Variants in USH2A observed in about 807,000 individuals in gnomAD.
The protein encoded by USH2A is usherin, also known as Usher syndrome 2A (autosomal recessive, mild).
USH2A carries 443 observed loss-of-function variants against 538.9 expected under a neutral mutation model. The ratio of observed to expected loss-of-function variants is 0.82; its 90% CI spans 0.76 to 0.89. The LOEUF (loss-of-function observed/expected upper bound fraction) is 0.89, where lower values mean the gene tolerates loss of function less well. Ranked by LOEUF, USH2A falls within the 40% of genes least tolerant of loss-of-function variation. The probability of loss-of-function intolerance (pLI) is 0.00; values close to 1 mark genes in which losing one functional copy is unlikely to be tolerated. For synonymous variants in USH2A, 2,413 were observed against 2,273.5 expected (o/e 1.06, Z -1.75); for missense variants, 6,633 against 6,324.8 (o/e 1.05, Z -1.65).
At chr1:216,218,377 C>T (rs1330211402) in intron 14 of USH2A, among the ~76,000 whole-genome samples, 5 of 152,048 alleles carry the variant, frequency 3.3e-5, no homozygotes, top group African/African-American at 9.7e-5. Flanking sequence ...GGATAAGCAA[C>T]GTTGGTGCCA....
chr1:216,076,526 T>A (rs1006287155), intron 27 of USH2A, among the ~76,000 whole-genome samples: 2 of 152,118 alleles, frequency 1.3e-5, no homozygotes, highest in African/African-American at 2.4e-5. Context: ...GTTTTTATTT[T>A]TTTTTTCCCA....
At chr1:216,233,037 A>G (rs2035732621) in intron 13 of USH2A, among the ~76,000 whole-genome samples, 1 of 152,092 alleles carries the variant, frequency 6.6e-6, no homozygotes. Flanking sequence ...TCCTGTTCCA[A>G]TCTATTCTTC....
At chr1:216,224,500 T>A (rs1232618298) in intron 14 of USH2A, among the ~76,000 whole-genome samples, 1 of 152,194 alleles carries the variant, frequency 6.6e-6, no homozygotes, top group Non-Finnish European at 1.5e-5. Context: ...TAGGATCAGC[T>A]TTTTAAAATA....
At position 215,650,625 on chromosome 1, in the gene USH2A, C is replaced by T. The variant is rs1046885422; in HGVS notation, c.14310G>A (p.Leu4770=). ...CAGCCCCATGGGCGCTGCTGGAGAA[C>T]AGCCTGTAGAGACTGACGATCCCGT... The part of the protein sequence containing the change: ...KPNGIVSLYR[L]FSSSAHGAET... The change falls in exon 65 of 72, where the codon CTG becomes CTA. Residue 4770 remains leucine (L), a synonymous_variant. Transcript: ENST00000307340. 2 of 1,614,174 alleles carry T rather than the reference C, an allele frequency of 1.2e-6. No individual in the cohort carries two copies. The highest frequency in any genetic ancestry group is 2.2e-5 in the South Asian group (2 of 91,090).
At chr1:215,856,976 A>G (rs1040014146) in intron 44 of USH2A, among the ~76,000 whole-genome samples, 1 of 152,054 alleles carries the variant, frequency 6.6e-6, no homozygotes, top group Non-Finnish European at 1.5e-5. Flanking sequence ...ATGAAAAACC[A>G]AACATCATAT....
chr1:215,848,020 C>T (rs892582464), intron 44 of USH2A, among the ~76,000 whole-genome samples: 2 of 152,090 alleles, frequency 1.3e-5, no homozygotes, highest in African/African-American at 4.8e-5. Flanking sequence ...GTGTTTCTTT[C>T]CTCTGATGTC....
chr1:216,320,249 G>A (rs1249991178), intron 9 of USH2A, among the ~76,000 whole-genome samples: 1 of 152,030 alleles, frequency 6.6e-6, no homozygotes, highest in Non-Finnish European at 1.5e-5. Context: ...CTGTTTAAAA[G>A]AGGCTGGCTT....
chr1:215,677,792 T>C (rs74141288), intron 62 of USH2A, among the ~76,000 whole-genome samples: 6,156 of 152,264 alleles, frequency 0.04, 403 homozygotes, highest in African/African-American at 0.13. Context: ...TTACATTCTC[T>C]CCATAGCTGA....
At chr1:216,025,896 C>T (rs1435758560) in intron 32 of USH2A, among the ~76,000 whole-genome samples, 1 of 151,950 alleles carries the variant, frequency 6.6e-6, no homozygotes, top group Non-Finnish European at 1.5e-5. Flanking sequence ...TCTAATCTCC[C>T]TACATGAAAT....
At chr1:215,942,146 A>C (rs1666650279) in intron 37 of USH2A, among the ~76,000 whole-genome samples, 1 of 152,032 alleles carries the variant, frequency 6.6e-6, no homozygotes, top group Non-Finnish European at 1.5e-5. Context: ...AATTTGTTGT[A>C]GGCTGTCGAG....
chr1:215,744,281 T>A (rs1660401125), intron 58 of USH2A, among the ~76,000 whole-genome samples: 1 of 152,216 alleles, frequency 6.6e-6, no homozygotes, highest in African/African-American at 2.4e-5. Flanking sequence ...CAGCGAAAAT[T>A]TGGGTTCAAC....
At chr1:216,168,325 A>C (rs1395705452) in intron 21 of USH2A, among the ~76,000 whole-genome samples, 1 of 152,160 alleles carries the variant, frequency 6.6e-6, no homozygotes, top group Non-Finnish European at 1.5e-5. Flanking sequence ...ATGCCAACAT[A>C]CTGGCAGAAA....
intron 21 of USH2A, among the ~76,000 whole-genome samples, chr1:216,106,317 CTA>C (rs10589896): frequency 0.83 from 122,025 of 146,148 alleles, 51,029 homozygotes; most frequent in East Asian, 0.97. Flanking sequence ...TATATGTATA[CTA>C]TATATATATA....
chr1:216,403,576 T>C (rs1369323695), intron 3 of USH2A, among the ~76,000 whole-genome samples: 1 of 152,160 alleles, frequency 6.6e-6, no homozygotes, highest in African/African-American at 2.4e-5. Flanking sequence ...CAGCAAAGTT[T>C]TGAAATACAA....
rs2039692556 is a variant in USH2A, at chr1:216,422,302, A to C, written c.35T>G (p.Phe12Cys). 2 of 1,613,850 alleles carry C rather than the reference A, an allele frequency of 1.2e-6. No individual in the cohort carries two copies. The highest frequency in any genetic ancestry group is 4.5e-5 in the East Asian group (2 of 44,874). The change falls in exon 2 of 72, where the codon TTC becomes TGC. Residue 12 changes from phenylalanine to cysteine, a missense_variant. Physicochemically the swap from Phe to Cys is radical, Grantham distance 205. Transcript: ENST00000307340. Reference protein sequence around the residue: ...NCPVLSLGSGFLFQVIEMLIF... With the variant: ...NCPVLSLGSGCLFQVIEMLIF... ...CAACATTTCAATGACCTGAAACAAGAAGCCAGAGCCCAATGAAAGAACTGG... is the reference window on the plus strand; with the variant it reads ...CAACATTTCAATGACCTGAAACAAGCAGCCAGAGCCCAATGAAAGAACTGG...
At chr1:216,350,701 A>G (rs1389882848) in intron 4 of USH2A, among the ~76,000 whole-genome samples, 1 of 152,074 alleles carries the variant, frequency 6.6e-6, no homozygotes, top group African/African-American at 2.4e-5. Flanking sequence ...TGCAGGGCTT[A>G]GCTCCAGTGG....
chr1:216,339,092 A>G (rs574803354), intron 4 of USH2A, among the ~76,000 whole-genome samples: 9 of 151,780 alleles, frequency 5.9e-5, no homozygotes, highest in African/African-American at 2.2e-4. Flanking sequence ...TCTATAAATT[A>G]TATAAAGAGA....
At chr1:215,994,166 AAAAAG>A (rs1418132955) in intron 34 of USH2A, among the ~76,000 whole-genome samples, 1 of 152,202 alleles carries the variant, frequency 6.6e-6, no homozygotes, top group Non-Finnish European at 1.5e-5. Flanking sequence ...TACCAAAATC[AAAAAG>A]AAAATAAAGC....
At chr1:215,717,784 A>C (rs1659527082) in intron 61 of USH2A, among the ~76,000 whole-genome samples, 1 of 152,156 alleles carries the variant, frequency 6.6e-6, no homozygotes, top group African/African-American at 2.4e-5. Context: ...GACTACAGAG[A>C]AGCAATAGCC....
Sources: allele counts gnomAD v4.1 joint callset (sites outside exome capture counted in the v4.1 genomes callset), GRCh38; gene constraint gnomAD v4.1.1; transcripts MANE v1.5; gene names NCBI Gene and HGNC (gene_info 2026-07-23, HGNC 2026-07-21).